The following SNX29 variants were observed in gnomAD, a reference collection of about 807,000 sequenced individuals.
SNX29 encodes sorting nexin 29.
In SNX29, 78 loss-of-function variants were observed where a neutral mutation model predicts 102.1. The ratio of observed to expected loss-of-function variants is 0.76; its 90% CI spans 0.64 to 0.92. The LOEUF (loss-of-function observed/expected upper bound fraction) is 0.92, where lower values mean the gene tolerates loss of function less well. SNX29 is among the 40% of genes least tolerant of loss of function. SNX29 has a pLI of 0.00. For missense variants in SNX29, 1,280 were observed against 1,061.7 expected, an observed-to-expected ratio of 1.21 and a Z score of -2.86; for synonymous variants, 580 against 414.5, an observed-to-expected ratio of 1.40 and a Z score of -4.85.
In SNX29 at chr16:12,570,079, T is replaced by TATA; in HGVS notation, c.*1451_*1453dup. On this transcript the variant is annotated 3_prime_UTR_variant, in exon 21 of 21. Coordinates refer to ENST00000566228, the MANE Select transcript of SNX29 (RefSeq NM_032167.5). The stretch of plus-strand genomic sequence containing the variant: ...TCTCTGGAGAATCATCTGGAAGGTT[T>TATA]ATACTGTGCCTTCCCCTCGTAGCAA... 1 of 760,004 alleles carries TATA rather than the reference T, an allele frequency of 1.3e-6. No homozygotes were observed. 47.1% of individuals were successfully genotyped at this position (760,004 alleles called of 1,614,324 possible). A position where few individuals can be genotyped will look rare whatever the true frequency, so the allele number is the denominator to read the frequency against.
At chr16:12,011,975 C>A (rs1297056674) in intron 3 of SNX29, among the ~76,000 whole-genome samples, 1 of 152,044 alleles carries the variant, frequency 6.6e-6, no homozygotes, top group Non-Finnish European at 1.5e-5. Flanking sequence ...ACTAGACATA[C>A]CTGTGTTTTT....
intron 16 of SNX29, among the ~76,000 whole-genome samples, chr16:12,373,224 G>C (rs549555365): frequency 2.3e-4 from 35 of 152,264 alleles, no homozygotes; most frequent in African/African-American, 8.2e-4. Flanking sequence ...CCTCCGACTT[G>C]TGGGCTCAAG....
chr16:12,402,192 C>T (rs2083972248), intron 17 of SNX29, among the ~76,000 whole-genome samples: 1 of 152,152 alleles, frequency 6.6e-6, no homozygotes, highest in South Asian at 2.1e-4. Flanking sequence ...TTAATTTACC[C>T]CTCAAAGGAG....
chr16:12,488,255 A>C (rs1017625500), intron 19 of SNX29, among the ~76,000 whole-genome samples: 1 of 152,150 alleles, frequency 6.6e-6, no homozygotes, highest in Middle Eastern at 3.2e-3. Flanking sequence ...GAGAAGCTGA[A>C]TTGAAGAGAC....
intron 20 of SNX29, chr16:12,556,457 G>A (rs759875853): frequency 6.6e-6 from 1 of 152,278 alleles, no homozygotes; most frequent in African/African-American, 2.4e-5. Flanking sequence ...GGAACTCTTA[G>A]GCGAAGGCCA....
At chr16:12,135,604 G>A in intron 13 of SNX29, 1 of 1,343,930 alleles carries the variant, frequency 7.4e-7, no homozygotes, top group South Asian at 1.2e-5. Flanking sequence ...ACCATGTGGT[G>A]GAGAAATGGA....
intron 16 of SNX29, chr16:12,375,915 C>T (rs2082856039): frequency 6.6e-6 from 1 of 151,548 alleles, no homozygotes; most frequent in Admixed American, 6.6e-5. Context: ...CGCCTGTGAT[C>T]CCAGCTACTC....
chr16:12,039,285 C>A (rs1324490803), intron 4 of SNX29, among the ~76,000 whole-genome samples: 1 of 152,142 alleles, frequency 6.6e-6, no homozygotes, highest in Non-Finnish European at 1.5e-5. Flanking sequence ...CCCCAGTAAC[C>A]CTGGGCGATT....
intron 20 of SNX29, among the ~76,000 whole-genome samples, chr16:12,547,719 G>A (rs765095850): frequency 6.6e-6 from 1 of 152,108 alleles, no homozygotes; most frequent in Admixed American, 6.5e-5. Context: ...GCATAGCATG[G>A]CACCCATCAC....
chr16:12,437,321 G>T (rs188491809), intron 18 of SNX29, among the ~76,000 whole-genome samples: 1 of 152,116 alleles, frequency 6.6e-6, no homozygotes, highest in Non-Finnish European at 1.5e-5. Context: ...CACACACTGT[G>T]CTCTCAGCTC....
At chr16:12,392,454 A>G (rs895182040) in intron 16 of SNX29, among the ~76,000 whole-genome samples, 1 of 152,052 alleles carries the variant, frequency 6.6e-6, no homozygotes, top group Non-Finnish European at 1.5e-5. Context: ...CCAGCCATTC[A>G]TCCATCCATC....
Position 12,499,169 on chromosome 16 carries a change from C to G in SNX29, c.2178+21310C>G, listed in dbSNP as rs1412397474. Among the ~76,000 whole-genome samples, 3 of 152,336 alleles carry G rather than the reference C, an allele frequency of 2.0e-5. No individual in the cohort carries two copies. In the East Asian group the frequency reaches 5.8e-4, roughly 29 times the overall value. ...GGGTTCTATATGGGCATTCTTCAAACTGGAACAACCAATAAAAAATGTGTT... is the reference window on the plus strand; with the variant it reads ...GGGTTCTATATGGGCATTCTTCAAAGTGGAACAACCAATAAAAAATGTGTT... On this transcript the variant is annotated intron_variant, in intron 19 of 20. Coordinates refer to ENST00000566228, the MANE Select transcript of SNX29 (RefSeq NM_032167.5).
At position 12,572,148 on chromosome 16, in the gene SNX29, T is replaced by G. The variant is rs942278349; in HGVS notation, c.*3519T>G. The G allele has an allele frequency of 2.0e-6, 2 of 992,914 alleles. No homozygotes were observed. Among genetic ancestry groups the G allele is most frequent in the African/African-American group, 3.4e-5 (2 of 59,504 alleles). The allele number at this position is 992,914 out of a possible 1,614,324, so 61.5% of individuals were successfully genotyped here. On this transcript the variant is annotated 3_prime_UTR_variant, in exon 21 of 21. Transcript: ENST00000566228. ...CCCTGCTTCATACTTTGGAGCTTAT[T>G]AAGATCAATTTTGATAACCATGTAA...
At chr16:12,059,927 C>T (rs1254974237) in intron 8 of SNX29, among the ~76,000 whole-genome samples, 1 of 152,176 alleles carries the variant, frequency 6.6e-6, no homozygotes, top group East Asian at 1.9e-4. Flanking sequence ...TTGGACAAGC[C>T]ACACACTTTT....
At chr16:12,565,750 C>T (rs879614785) in intron 20 of SNX29, among the ~76,000 whole-genome samples, 1 of 152,214 alleles carries the variant, frequency 6.6e-6, no homozygotes, top group African/African-American at 2.4e-5. Context: ...TCCCCATGGG[C>T]CTGCCACCTT....
chr16:12,337,356 G>T (rs539054297), intron 15 of SNX29, among the ~76,000 whole-genome samples: 2 of 152,000 alleles, frequency 1.3e-5, no homozygotes, highest in Admixed American at 6.6e-5. Flanking sequence ...TGTTGTTGTT[G>T]TTCAAGACAG....
At chr16:12,315,455 A>C (rs2080701799) in intron 15 of SNX29, among the ~76,000 whole-genome samples, 1 of 152,158 alleles carries the variant, frequency 6.6e-6, no homozygotes, top group Non-Finnish European at 1.5e-5. Context: ...ATGTGGATGG[A>C]ATTGTGTTGC....
intron 15 of SNX29, among the ~76,000 whole-genome samples, chr16:12,330,687 G>A (rs996152177): frequency 2.6e-5 from 4 of 152,202 alleles, no homozygotes; most frequent in African/African-American, 7.2e-5. Context: ...TAACCAGCAC[G>A]CGAGTCCTGG....
At chr16:12,436,187 C>G (rs977343287) in intron 18 of SNX29, among the ~76,000 whole-genome samples, 2 of 152,190 alleles carry the variant, frequency 1.3e-5, no homozygotes, top group Non-Finnish European at 2.9e-5. Flanking sequence ...CTGCTATGCT[C>G]TGCTGCAGCC....
Sources: allele counts gnomAD v4.1 joint callset (sites outside exome capture counted in the v4.1 genomes callset), GRCh38; gene constraint gnomAD v4.1.1; transcripts MANE v1.5; gene names NCBI Gene and HGNC (gene_info 2026-07-23, HGNC 2026-07-21).